Variants in SLC24A4 observed in about 807,000 individuals in gnomAD.
The protein encoded by SLC24A4 is sodium/potassium/calcium exchanger 4.
A neutral mutation model predicts 79.0 loss-of-function variants in SLC24A4; 53 were observed. That is an observed-to-expected ratio of 0.67 (90% confidence interval 0.54 to 0.84). The LOEUF is 0.84. Ranked by LOEUF, SLC24A4 falls within the 40% of genes least tolerant of loss-of-function variation. The probability of loss-of-function intolerance (pLI) is 0.00; values close to 1 mark genes in which losing one functional copy is unlikely to be tolerated. For missense variants in SLC24A4, 731 were observed against 822.0 expected (o/e 0.89, Z 1.35); for synonymous variants, 323 against 323.8 (o/e 1.00, Z 0.03).
chr14:92,372,548 G>A (rs910066486), intron 2 of SLC24A4, among the ~76,000 whole-genome samples: 1 of 152,184 alleles, frequency 6.6e-6, no homozygotes, highest in Non-Finnish European at 1.5e-5. Flanking sequence ...ATGTACTGGT[G>A]TGTTAGGGCC....
At chr14:92,351,779 G>T (rs921008683) in intron 2 of SLC24A4, among the ~76,000 whole-genome samples, 1 of 152,070 alleles carries the variant, frequency 6.6e-6, no homozygotes, top group African/African-American at 2.4e-5. Context: ...CATGAGAATT[G>T]CTTTAACCCA....
At chr14:92,405,616 A>G (rs4243697) in intron 2 of SLC24A4, among the ~76,000 whole-genome samples, 109,750 of 151,952 alleles carry the variant, frequency 0.72, 40,003 homozygotes, top group East Asian at 0.97. Context: ...ACTTACAATC[A>G]TGGCAGAAGG....
At chr14:92,325,466 C>T (rs147732135) in intron 1 of SLC24A4, among the ~76,000 whole-genome samples, 8 of 152,330 alleles carry the variant, frequency 5.3e-5, no homozygotes, top group Admixed American at 2.0e-4. Flanking sequence ...TGGGCCAGAC[C>T]GCATCAGCCT....
At chr14:92,488,347 C>T (rs1895492290) in intron 14 of SLC24A4, among the ~76,000 whole-genome samples, 1 of 152,178 alleles carries the variant, frequency 6.6e-6, no homozygotes, top group Admixed American at 6.5e-5. Flanking sequence ...GCTGGGATTA[C>T]CAGCATGAGC....
intron 1 of SLC24A4, among the ~76,000 whole-genome samples, chr14:92,324,176 G>C (rs571874818): frequency 4.1e-5 from 6 of 148,048 alleles, no homozygotes; most frequent in East Asian, 1.9e-4. Flanking sequence ...AGCGGCCCCT[G>C]GGGGGGCTCA....
At chr14:92,373,418 G>A (rs1401832983) in intron 2 of SLC24A4, among the ~76,000 whole-genome samples, 1 of 152,164 alleles carries the variant, frequency 6.6e-6, no homozygotes, top group African/African-American at 2.4e-5. Flanking sequence ...CCAAGTTAGA[G>A]TGAGCTGAGA....
At chr14:92,347,681 C>T (rs1415519092) in intron 2 of SLC24A4, among the ~76,000 whole-genome samples, 1 of 152,170 alleles carries the variant, frequency 6.6e-6, no homozygotes, top group Non-Finnish European at 1.5e-5. Context: ...GTAATCCCAG[C>T]ACTTTGGGAG....
chr14:92,395,703 T>G (rs1243224851), intron 2 of SLC24A4, among the ~76,000 whole-genome samples: 5 of 152,196 alleles, frequency 3.3e-5, no homozygotes, highest in Admixed American at 6.5e-5. Flanking sequence ...ACTGCCCAGT[T>G]CCAACCGCAC....
At chr14:92,430,584 G>A (rs575903217) in intron 2 of SLC24A4, among the ~76,000 whole-genome samples, 40 of 152,332 alleles carry the variant, frequency 2.6e-4, no homozygotes, top group Admixed American at 9.2e-4. Flanking sequence ...ATGGGTGCAC[G>A]GGAGGGAGGC....
intron 2 of SLC24A4, chr14:92,408,318 C>A (rs1473933027): frequency 4.7e-6 from 4 of 856,084 alleles, no homozygotes; most frequent in East Asian, 2.4e-4. Context: ...GTCTTCTGGG[C>A]CTATCTGTTT....
intron 2 of SLC24A4, among the ~76,000 whole-genome samples, chr14:92,332,953 G>C (rs1191316941): frequency 6.6e-6 from 1 of 152,118 alleles, no homozygotes; most frequent in Non-Finnish European, 1.5e-5. Flanking sequence ...TAGGATGCTG[G>C]AGGATGGCCT....
chr14:92,489,468 A>G (rs1895554679), intron 14 of SLC24A4, among the ~76,000 whole-genome samples: 1 of 152,150 alleles, frequency 6.6e-6, no homozygotes, highest in African/African-American at 2.4e-5. Context: ...CAAAAGATCC[A>G]GGAACCCCTG....
chr14:92,416,746 A>G (rs1313272441), intron 2 of SLC24A4, among the ~76,000 whole-genome samples: 1 of 152,236 alleles, frequency 6.6e-6, no homozygotes, highest in African/African-American at 2.4e-5. Context: ...ACAAGCTCAC[A>G]AAGGAAAGCC....
At chr14:92,405,974 C>G (rs148443826) in intron 2 of SLC24A4, among the ~76,000 whole-genome samples, 1 of 152,176 alleles carries the variant, frequency 6.6e-6, no homozygotes, top group African/African-American at 2.4e-5. Flanking sequence ...TCATCTGAAA[C>G]AAGGTAAGTC....
chr14:92,492,022 G>A (rs116673508), intron 15 of SLC24A4, among the ~76,000 whole-genome samples, 153 bp from the exon 16 acceptor site: 1,604 of 152,174 alleles, frequency 0.011, 42 homozygotes, highest in African/African-American at 0.037. Flanking sequence ...ACTTGAATCC[G>A]TATTTTCCTG....
intron 12 of SLC24A4, among the ~76,000 whole-genome samples, chr14:92,478,191 T>C (rs1894876547): frequency 6.6e-6 from 1 of 152,266 alleles, no homozygotes; most frequent in Non-Finnish European, 1.5e-5. Flanking sequence ...CTTTTGTTGC[T>C]TGTGATTTTG....
intron 2 of SLC24A4, among the ~76,000 whole-genome samples, chr14:92,379,581 C>G (rs1238460935): frequency 6.6e-6 from 1 of 152,130 alleles, no homozygotes; most frequent in Non-Finnish European, 1.5e-5. Context: ...TGGCGTCTCC[C>G]CTTTCCTATC....
chr14:92,433,843 G>T (rs1892011467), intron 2 of SLC24A4, 69 bp from the exon 3 acceptor site: 1 of 1,348,854 alleles, frequency 7.4e-7, no homozygotes, highest in Admixed American at 1.7e-5. Flanking sequence ...TGAACTCTCA[G>T]AAGTCAAGTG....
chr14:92,442,163 GTC>G lies in SLC24A4; in HGVS notation c.470_471del (p.Ser157CysfsTer66). 6.2e-7 allele frequency: 1 copy of G among 1,613,468 alleles called. No homozygotes were observed. The highest frequency in any genetic ancestry group is 8.5e-7 in the Non-Finnish European group (1 of 1,179,696). ...AGSSTPELFASVIGVFITHGD... is the reference protein window; with the variant it reads ...AGSSTPELFAXVIGVFITHGD... ...GAAGCTCAACGCCAGAGCTGTTTGC[GTC>G]TGTTATTGGTAAGAAATCCCCTCCA... On this transcript the variant is annotated frameshift_variant, in exon 5 of 17. Coordinates refer to ENST00000532405, the MANE Select transcript of SLC24A4 (RefSeq NM_153646.4). LOFTEE classifies it high-confidence loss of function.
Sources: gnomAD v4.1 joint callset for allele counts (sites outside exome capture counted in the v4.1 genomes callset) on GRCh38, gnomAD v4.1.1 for gene constraint, MANE v1.5 for transcripts, NCBI Gene and HGNC (gene_info 2026-07-23, HGNC 2026-07-21) for gene names.